NHS: variants seen among roughly 807,000 people sequenced by gnomAD.
NHS encodes the protein NHS actin remodeling regulator.
In NHS, 5 loss-of-function variants were observed where a neutral mutation model predicts 72.5. That is an observed-to-expected ratio of 0.07 (90% CI 0.04 to 0.14). The LOEUF (loss-of-function observed/expected upper bound fraction) is 0.14, where lower values mean the gene tolerates loss of function less well. NHS is among the 10% of genes least tolerant of loss of function. The probability of loss-of-function intolerance (pLI) is 1.00; values close to 1 mark genes in which losing one functional copy is unlikely to be tolerated. For synonymous variants in NHS, 464 were observed against 547.7 expected (o/e 0.85, Z 2.13); for missense variants, 1,072 against 1,355.7 (o/e 0.79, Z 3.29).
Position 17,721,506 on chromosome X carries a change from C to T in NHS, c.981C>T (p.His327=). The part of the protein sequence containing the change: ...MLGQRPKNPI[H]NIPSTLDKQT... ...GGCAGAGGCCGAAAAACCCAATACA[C>T]AATATCCCTTCCACACTGGACAAGC... The change falls in exon 5 of 9, where the codon CAC becomes CAT. Residue 327 remains histidine, a synonymous_variant. Transcript: ENST00000676302. 8.3e-7 allele frequency: 1 copy of T among 1,211,461 alleles called. No individual in the cohort carries two copies. The highest frequency in any genetic ancestry group is 1.1e-6 in the Non-Finnish European group (1 of 895,297).
intron 1 of NHS, among the ~76,000 whole-genome samples, chrX:17,427,889 A>G (rs1429286893): frequency 8.9e-6 from 1 of 112,524 alleles, no homozygotes; most frequent in Non-Finnish European, 1.9e-5. Flanking sequence ...TTTCCAGCAC[A>G]TTGTGTATTC....
intron 1 of NHS, among the ~76,000 whole-genome samples, chrX:17,537,546 T>A (rs751562158): frequency 1.8e-5 from 2 of 112,412 alleles, no homozygotes; most frequent in South Asian, 7.3e-4. Flanking sequence ...TGAATTTCTG[T>A]AAAAGGACAA....
chrX:17,696,468 T>A (rs1417248146), intron 3 of NHS, among the ~76,000 whole-genome samples: 1 of 112,364 alleles, frequency 8.9e-6, no homozygotes. Context: ...GGCAAATGTG[T>A]ATCAAAACAG....
intron 1 of NHS, among the ~76,000 whole-genome samples, chrX:17,591,265 G>A (rs576229696): frequency 2.7e-5 from 3 of 111,749 alleles, no homozygotes; most frequent in East Asian, 2.8e-4. Context: ...GCTCTAGGTC[G>A]TAGGGAGGGC....
At chrX:17,638,489 A>G (rs1249197646) in intron 1 of NHS, among the ~76,000 whole-genome samples, 1 of 111,801 alleles carries the variant, frequency 8.9e-6, no homozygotes, top group Non-Finnish European at 1.9e-5. Flanking sequence ...TGGTTTTTCT[A>G]TGTGGGCTTA....
At chrX:17,671,188 G>C (rs1406915484) in intron 1 of NHS, among the ~76,000 whole-genome samples, 1 of 112,539 alleles carries the variant, frequency 8.9e-6, no homozygotes, top group Non-Finnish European at 1.9e-5. Flanking sequence ...TCTTGGCAAG[G>C]GGTGTGTTAG....
At chrX:17,659,940 C>T (rs2065974862) in intron 1 of NHS, among the ~76,000 whole-genome samples, 1 of 112,185 alleles carries the variant, frequency 8.9e-6, no homozygotes, top group South Asian at 3.7e-4. Context: ...CAGAATCCAA[C>T]CCTGGACTAT....
At chrX:17,459,394 A>G (rs1236941622) in intron 1 of NHS, among the ~76,000 whole-genome samples, 1 of 111,962 alleles carries the variant, frequency 8.9e-6, no homozygotes, top group Non-Finnish European at 1.9e-5. Context: ...AGGCCAGAAG[A>G]TAAAACAGGG....
At chrX:17,670,984 G>A (rs1453851310) in intron 1 of NHS, among the ~76,000 whole-genome samples, 1 of 111,978 alleles carries the variant, frequency 8.9e-6, no homozygotes, top group African/African-American at 3.2e-5. Context: ...TCACTCTCTG[G>A]GGCTGAAGGG....
intron 3 of NHS, among the ~76,000 whole-genome samples, chrX:17,693,014 T>G (rs757941144): frequency 8.9e-6 from 1 of 112,049 alleles, no homozygotes; most frequent in East Asian, 2.8e-4. Flanking sequence ...GTAAAGAACT[T>G]AAGTGATACG....
chrX:17,636,921 T>C (rs1026495112), intron 1 of NHS, among the ~76,000 whole-genome samples: 16 of 112,125 alleles, frequency 1.4e-4, no homozygotes, highest in African/African-American at 4.2e-4. Flanking sequence ...CCTAATATCA[T>C]ATATATTTAT....
In NHS at chrX:17,721,446, T is replaced by A; in HGVS notation, c.921T>A (p.His307Gln). ...TGATTGTACTTTGTTTGCAGTCCCA[T>A]CCCCCAGAGGATGAAGATACAGATG... is the stretch of plus-strand genomic sequence containing the variant. ...CHMTPWSRKSHPPEDEDTDVM... is the reference protein window; with the variant it reads ...CHMTPWSRKSQPPEDEDTDVM... The change falls in exon 5 of 9, where the codon CAT (histidine) becomes CAA (glutamine). Residue 307 changes from histidine to glutamine, a missense_variant. By Grantham distance (24) the His-to-Gln change is conservative. Transcript: ENST00000676302. The A allele has an allele frequency of 8.3e-7, 1 of 1,210,663 alleles. No individual in the cohort carries two copies. The highest frequency in any genetic ancestry group is 1.1e-6 in the Non-Finnish European group (1 of 894,933).
At chrX:17,401,636 T>C (rs2064503451) in intron 1 of NHS, among the ~76,000 whole-genome samples, 1 of 112,120 alleles carries the variant, frequency 8.9e-6, no homozygotes, top group South Asian at 3.8e-4. Flanking sequence ...GAAGGTTTTA[T>C]GAAAGAATCC....
chrX:17,635,477 A>G (rs2065841315), intron 1 of NHS: 1 of 1,165,756 alleles, frequency 8.6e-7, no homozygotes, highest in African/African-American at 1.8e-5. Flanking sequence ...TGCTGACTTA[A>G]GCAGATCAGC....
chrX:17,636,536 G>T (rs1386906592), intron 1 of NHS, among the ~76,000 whole-genome samples: 3 of 112,305 alleles, frequency 2.7e-5, no homozygotes, highest in Non-Finnish European at 5.6e-5. Flanking sequence ...GTTGACGCTG[G>T]CCACTCTCCT....
chrX:17,554,834 C>CT (rs1170480532), intron 1 of NHS, among the ~76,000 whole-genome samples: 4 of 104,055 alleles, frequency 3.8e-5, no homozygotes, highest in Non-Finnish European at 7.6e-5. Flanking sequence ...TGGCTGTTTT[C>CT]TTTTTTTTCT....
intron 3 of NHS, among the ~76,000 whole-genome samples, chrX:17,703,908 C>A (rs1601844762): frequency 8.9e-6 from 1 of 111,890 alleles, no homozygotes; most frequent in East Asian, 2.8e-4. Context: ...ATGAGAAAGC[C>A]CCCAGGCATA....
At chrX:17,694,223 C>T (rs1444174826) in intron 3 of NHS, among the ~76,000 whole-genome samples, 1 of 111,838 alleles carries the variant, frequency 8.9e-6, no homozygotes, top group African/African-American at 3.3e-5. Context: ...TTTGTCCATC[C>T]CAAATGATAA....
At chrX:17,457,382 A>G (rs938484370) in intron 1 of NHS, among the ~76,000 whole-genome samples, 1 of 111,455 alleles carries the variant, frequency 9.0e-6, no homozygotes, top group African/African-American at 3.3e-5. Flanking sequence ...GTGGAAGGTG[A>G]AGGGAGTCAC....
Sources: gnomAD v4.1 joint callset for allele counts (sites outside exome capture counted in the v4.1 genomes callset) on GRCh38, gnomAD v4.1.1 for gene constraint, MANE v1.5 for transcripts, NCBI Gene and HGNC (gene_info 2026-07-23, HGNC 2026-07-21) for gene names.